Variants in HS6ST2 observed in about 807,000 individuals in gnomAD.
The protein encoded by HS6ST2 is heparan sulfate 6-O-sulfotransferase 2.
Under a neutral mutation model 33.0 loss-of-function variants are expected in HS6ST2, and 17 were observed. That is an observed-to-expected ratio of 0.52 (90% CI 0.35 to 0.77). The LOEUF is 0.77. Among genes scored for constraint, HS6ST2 ranks in the 30% least tolerant of loss-of-function variants. The pLI is 0.01. For missense variants in HS6ST2, 519 were observed against 551.7 expected, an observed-to-expected ratio of 0.94 and a Z score of 0.59; for synonymous variants, 248 against 237.1, an observed-to-expected ratio of 1.05 and a Z score of -0.42.
chrX:132,735,574 G>T (rs917021652), intron 2 of HS6ST2, among the ~76,000 whole-genome samples: 11 of 111,908 alleles, frequency 9.8e-5, no homozygotes, highest in African/African-American at 3.6e-4. Context: ...AAATAAAGGT[G>T]TGTGAGGAAA....
At chrX:132,806,510 T>C (rs187092918) in intron 2 of HS6ST2, among the ~76,000 whole-genome samples, 7 of 110,271 alleles carry the variant, frequency 6.3e-5, no homozygotes, top group African/African-American at 2.0e-4. Flanking sequence ...CATGGCTAAA[T>C]GTCTTAGGGC....
rs1016013112 is a variant in HS6ST2 at position 132,827,878 on chromosome X, G to T, written c.948-119384C>A. 5.4e-5 allele frequency among the ~76,000 whole-genome samples: 6 copies of T among 111,397 alleles called. No homozygotes were observed. In the Admixed American group the frequency reaches 5.8e-4, roughly 11 times the overall value. Reference sequence around the variant, plus strand: ...TCAGGTGCTTCATAACTCATGAAGAGCCAGTCTATCTCAGAAAGGATAGCT... The same window carrying T: ...TCAGGTGCTTCATAACTCATGAAGATCCAGTCTATCTCAGAAAGGATAGCT... On this transcript the variant is annotated intron_variant, in intron 2 of 4. Transcript: ENST00000370833.
chrX:132,921,197 A>G (rs2066647957), intron 2 of HS6ST2, among the ~76,000 whole-genome samples: 1 of 112,120 alleles, frequency 8.9e-6, no homozygotes, highest in Non-Finnish European at 1.9e-5. Flanking sequence ...TAAGGTAGAG[A>G]CCAGGGTCTA....
chrX:132,943,835 A>G (rs1330197395), intron 2 of HS6ST2, among the ~76,000 whole-genome samples: 7 of 111,844 alleles, frequency 6.3e-5, no homozygotes, highest in Non-Finnish European at 7.5e-5. Context: ...CTCTCAATAA[A>G]TTAGGTATTG....
At chrX:132,698,363 C>T (rs776571848) in intron 3 of HS6ST2, among the ~76,000 whole-genome samples, 9 of 111,920 alleles carry the variant, frequency 8.0e-5, no homozygotes, top group Admixed American at 1.9e-4. Flanking sequence ...AGCTAAAGTA[C>T]ATTTGCCAAT....
At chrX:132,941,800 CTTT>C (rs747038621) in intron 2 of HS6ST2, among the ~76,000 whole-genome samples, 16 of 107,305 alleles carry the variant, frequency 1.5e-4, no homozygotes, top group Non-Finnish European at 3.1e-4. Context: ...AAAATGATCT[CTTT>C]TTTTTTTATT....
intron 2 of HS6ST2, among the ~76,000 whole-genome samples, chrX:132,772,903 A>T (rs1408126077): frequency 1.2e-5 from 1 of 85,016 alleles, no homozygotes; most frequent in Non-Finnish European, 2.1e-5. Flanking sequence ...ATGTAATATA[A>T]AATATAATAT....
intron 2 of HS6ST2, among the ~76,000 whole-genome samples, chrX:132,862,978 C>T (rs771499493): frequency 8.9e-6 from 1 of 112,260 alleles, no homozygotes; most frequent in Non-Finnish European, 1.9e-5. Flanking sequence ...ATTCACCTGT[C>T]TGATCAAGGT....
intron 2 of HS6ST2, among the ~76,000 whole-genome samples, chrX:132,929,608 C>T (rs2066744261): frequency 9.0e-6 from 1 of 111,107 alleles, no homozygotes; most frequent in African/African-American, 3.3e-5. Flanking sequence ...ACAAAATTAC[C>T]AAGAATGTAG....
At chrX:132,837,717 T>C (rs1481791709) in intron 2 of HS6ST2, among the ~76,000 whole-genome samples, 1 of 112,057 alleles carries the variant, frequency 8.9e-6, no homozygotes, top group Non-Finnish European at 1.9e-5. Context: ...TCATTCAAAT[T>C]GTTCCGCACA....
At chrX:132,635,150 G>T (rs1249649581) in intron 4 of HS6ST2, among the ~76,000 whole-genome samples, 1 of 111,660 alleles carries the variant, frequency 9.0e-6, no homozygotes, top group Non-Finnish European at 1.9e-5. Context: ...AGCAATTGTC[G>T]AAATAATAGC....
chrX:132,684,242 T>TAC (rs1295828472), intron 3 of HS6ST2, among the ~76,000 whole-genome samples: 75 of 102,158 alleles, frequency 7.3e-4, no homozygotes, highest in African/African-American at 2.3e-3. Context: ...TATATATATA[T>TAC]ACACACACAC....
chrX:132,774,126 T>A (rs1463267934), intron 2 of HS6ST2, among the ~76,000 whole-genome samples: 1 of 112,331 alleles, frequency 8.9e-6, no homozygotes, highest in Admixed American at 9.5e-5. Flanking sequence ...ATGTAGAACA[T>A]CTACTGTGTT....
rs180955469 is a variant in HS6ST2 at position 132,826,136 on chromosome X, G to A, written c.948-117642C>T. Among the ~76,000 whole-genome samples, 22 of 112,662 alleles carry A rather than the reference G, an allele frequency of 2.0e-4. No individual in the cohort carries two copies. In the East Asian group the frequency reaches 5.3e-3, roughly 27 times the overall value. ...CAACCAAAATGATTTCACTTTTCAC[G>A]TGTGACTGCTTTACGGTAGAGGCTG... On this transcript the variant is annotated intron_variant, in intron 2 of 4. Coordinates refer to ENST00000370833, the MANE Select transcript of HS6ST2 (RefSeq NM_001394073.1).
chrX:132,896,364 G>A (rs904828503), intron 2 of HS6ST2, among the ~76,000 whole-genome samples: 5 of 109,357 alleles, frequency 4.6e-5, no homozygotes, highest in South Asian at 4.0e-4. Flanking sequence ...CCAGCTACTC[G>A]GGAGGCTGAG....
intron 2 of HS6ST2, among the ~76,000 whole-genome samples, chrX:132,734,101 G>A (rs1056123436): frequency 9.9e-6 from 1 of 100,745 alleles, no homozygotes; most frequent in Non-Finnish European, 2.0e-5. Flanking sequence ...CACCTCTTAG[G>A]TTACTGGCAG....
intron 2 of HS6ST2, among the ~76,000 whole-genome samples, chrX:132,788,277 A>T (rs1363402630): frequency 9.0e-6 from 1 of 111,445 alleles, no homozygotes; most frequent in Non-Finnish European, 1.9e-5. Flanking sequence ...AATATTTCAA[A>T]TTTTTTCATT....
At chrX:132,829,177 C>CATATATATATATATATAT (rs71855456) in intron 2 of HS6ST2, among the ~76,000 whole-genome samples, 10 of 63,657 alleles carry the variant, frequency 1.6e-4, no homozygotes, top group African/African-American at 2.1e-4. Flanking sequence ...AGGTAAGGAA[C>CATATATATATATATATAT]ATATATATAT....
intron 2 of HS6ST2, among the ~76,000 whole-genome samples, chrX:132,828,007 C>T (rs1310888990): frequency 8.9e-6 from 1 of 111,737 alleles, no homozygotes; most frequent in African/African-American, 3.3e-5. Flanking sequence ...ATTTCGAACT[C>T]AATTGACCAA....
Sources: allele counts gnomAD v4.1 joint callset (sites outside exome capture counted in the v4.1 genomes callset), GRCh38; gene constraint gnomAD v4.1.1; transcripts MANE v1.5; gene names NCBI Gene and HGNC (gene_info 2026-07-23, HGNC 2026-07-21).